The following NEBL variants were observed in gnomAD, a reference collection of about 807,000 sequenced individuals.
The protein encoded by NEBL is LIM and SH3 protein 2.
Under a neutral mutation model 140.2 loss-of-function variants are expected in NEBL, and 122 were observed. The ratio of observed to expected loss-of-function variants is 0.87; its 90% CI spans 0.75 to 1.01. The LOEUF (loss-of-function observed/expected upper bound fraction) is 1.01. Among genes scored for constraint, NEBL ranks in the 50% least tolerant of loss-of-function variants. The probability of loss-of-function intolerance (pLI) is 0.00; values close to 1 mark genes in which losing one functional copy is unlikely to be tolerated. For synonymous variants in NEBL, 436 were observed against 398.9 expected (o/e 1.09, Z -1.11); for missense variants, 1,365 against 1,231.3 (o/e 1.11, Z -1.62).
chr10:21,279,908 T>C (rs1241222520), intron 1 of NEBL, among the ~76,000 whole-genome samples: 1 of 152,152 alleles, frequency 6.6e-6, no homozygotes, highest in Non-Finnish European at 1.5e-5. Flanking sequence ...TTGCAAGAGT[T>C]ATAAAAGCTG....
At position 20,889,830 on chromosome 10, in the gene NEBL, C is replaced by G; in HGVS notation, c.258+15G>C. 6.5e-7 allele frequency: 1 copy of G among 1,538,762 alleles called. No homozygotes were observed. Among genetic ancestry groups the G allele is most frequent in the South Asian group, 1.1e-5 (1 of 89,534 alleles). On this transcript the variant is annotated intron_variant, in intron 3 of 27. Transcript: ENST00000377122. ...AGATAAATGCAAGCCAGTTTGCAAG[C>G]TTTTGATACCTTACCTCAGAAATAA...
At chr10:20,847,238 T>C (rs74120702) in intron 11 of NEBL, among the ~76,000 whole-genome samples, 3,513 of 152,240 alleles carry the variant, frequency 0.023, 150 homozygotes, top group African/African-American at 0.08. Context: ...CTTTAGCATA[T>C]GAATTGGGTC....
At chr10:20,857,229 T>C (rs1843165578) in intron 9 of NEBL, among the ~76,000 whole-genome samples, 1 of 152,200 alleles carries the variant, frequency 6.6e-6, no homozygotes, top group African/African-American at 2.4e-5. Context: ...GCTTACAAAA[T>C]AATAAACATA....
intron 3 of NEBL, among the ~76,000 whole-genome samples, chr10:21,227,047 T>A (rs1026156011): frequency 1.3e-5 from 2 of 152,188 alleles, no homozygotes; most frequent in African/African-American, 4.8e-5. Flanking sequence ...CAATTCTTAA[T>A]ATATTTTCTT....
At chr10:20,900,858 A>G (rs901799768), upstream of NEBL, among the ~76,000 whole-genome samples, 6 of 149,130 alleles carry the variant, frequency 4.0e-5, no homozygotes, top group African/African-American at 1.5e-4. Flanking sequence ...AAAAAAAGAA[A>G]AAAGAAAAAA....
rs1005116337 is a variant in NEBL, at chr10:20,910,187, T to G, written c.357+51485A>C. Among the ~76,000 whole-genome samples, 7 of 152,316 alleles carry G rather than the reference T, an allele frequency of 4.6e-5. No individual in the cohort carries two copies. The East Asian group carries it at 1.3e-3, about 29-fold the overall frequency. ...AGTTGAGGACATACTTTTTTAAAAA[T>G]TATCTATATAGTTAAGCAAAATTGT... On this transcript the variant is annotated intron_variant, in intron 4 of 6. Transcript: ENST00000417816.
intron 4 of NEBL, among the ~76,000 whole-genome samples, chr10:20,941,748 T>C (rs1342473877): frequency 6.6e-6 from 1 of 152,092 alleles, no homozygotes; most frequent in Non-Finnish European, 1.5e-5. Flanking sequence ...AGTCTCAGGA[T>C]ACAAAATCAA....
chr10:21,187,390 C>T (rs554419278), intron 3 of NEBL, among the ~76,000 whole-genome samples: 90 of 152,216 alleles, frequency 5.9e-4, no homozygotes, highest in African/African-American at 2.2e-3. Context: ...ATTTCTCTTT[C>T]CCCCACGGGG....
chr10:21,258,877 T>A (rs1842699462), intron 1 of NEBL, among the ~76,000 whole-genome samples: 1 of 152,022 alleles, frequency 6.6e-6, no homozygotes, highest in African/African-American at 2.4e-5. Flanking sequence ...TAATAGCTAA[T>A]ATTTACTGAG....
At chr10:21,178,505 C>T (rs925472167), upstream of NEBL, among the ~76,000 whole-genome samples, 1 of 152,246 alleles carries the variant, frequency 6.6e-6, no homozygotes, top group East Asian at 1.9e-4. Context: ...GTCGTCATTA[C>T]TACACATCTC....
intron 3 of NEBL, among the ~76,000 whole-genome samples, chr10:21,193,680 C>T (rs1467503370): frequency 6.6e-6 from 1 of 152,084 alleles, no homozygotes; most frequent in Non-Finnish European, 1.5e-5. Flanking sequence ...ATAATTATAG[C>T]TGATATTGAT....
At chr10:20,864,480 G>A (rs1317585505) in intron 7 of NEBL, among the ~76,000 whole-genome samples, 1 of 152,184 alleles carries the variant, frequency 6.6e-6, no homozygotes, top group Non-Finnish European at 1.5e-5. Context: ...AAATCCCACA[G>A]AGTTCAATTT....
chr10:21,248,478 T>C (rs1321604030), intron 2 of NEBL, among the ~76,000 whole-genome samples: 1 of 152,210 alleles, frequency 6.6e-6, no homozygotes, highest in African/African-American at 2.4e-5. Flanking sequence ...GATTCATCCA[T>C]GTTGTATCAT....
At chr10:20,833,744 A>G (rs1475794382) in intron 14 of NEBL, among the ~76,000 whole-genome samples, 4 of 151,054 alleles carry the variant, frequency 2.6e-5, no homozygotes, top group African/African-American at 7.3e-5. Context: ...CGACAGAGCG[A>G]GACTCCGTCT....
intron 4 of NEBL, among the ~76,000 whole-genome samples, chr10:20,951,410 G>C (rs999208654): frequency 4.7e-5 from 7 of 150,018 alleles, no homozygotes; most frequent in African/African-American, 1.7e-4. Flanking sequence ...AGAAAGAAAT[G>C]CAATTTTTAT....
At chr10:21,273,850 C>G (rs1588587822) in intron 1 of NEBL, among the ~76,000 whole-genome samples, 2 of 152,302 alleles carry the variant, frequency 1.3e-5, no homozygotes, top group African/African-American at 4.8e-5. Context: ...CTTACCAACA[C>G]CCCTTCTCCT....
chr10:21,005,473 A>G (rs1838099256), intron 3 of NEBL, among the ~76,000 whole-genome samples: 1 of 151,386 alleles, frequency 6.6e-6, no homozygotes, highest in Non-Finnish European at 1.5e-5. Context: ...AGTGGCTTGC[A>G]CCTGTAATCC....
At chr10:21,198,281 G>A (rs143182249) in intron 3 of NEBL, among the ~76,000 whole-genome samples, 135 of 152,166 alleles carry the variant, frequency 8.9e-4, no homozygotes, top group African/African-American at 3.2e-3. Context: ...CATTAACTGG[G>A]GGAAATTCAA....
intron 2 of NEBL, among the ~76,000 whole-genome samples, chr10:21,148,913 A>G (rs1840025179): frequency 6.6e-6 from 1 of 152,066 alleles, no homozygotes; most frequent in Non-Finnish European, 1.5e-5. Context: ...ACCTTTCCAT[A>G]AAGAAATTCT....
Sources: allele counts gnomAD v4.1 joint callset (sites outside exome capture counted in the v4.1 genomes callset), GRCh38; gene constraint gnomAD v4.1.1; transcripts MANE v1.5; gene names NCBI Gene and HGNC (gene_info 2026-07-23, HGNC 2026-07-21).